PPP3R1: variants seen among roughly 807,000 people sequenced by gnomAD.
PPP3R1 encodes the protein calcineurin subunit B type 1.
A neutral mutation model predicts 22.6 loss-of-function variants in PPP3R1; 5 were observed. The ratio of observed to expected loss-of-function variants is 0.22; its 90% CI spans 0.12 to 0.46. PPP3R1 has a LOEUF of 0.46. PPP3R1 is among the 20% of genes least tolerant of loss of function. The pLI is 0.99. For missense variants in PPP3R1, 61 were observed against 203.2 expected (o/e 0.30, Z 4.25); for synonymous variants, 56 against 65.2 (o/e 0.86, Z 0.68).
intron 1 of PPP3R1, among the ~76,000 whole-genome samples, chr2:68,233,325 C>T (rs1020769009): frequency 1.3e-5 from 2 of 152,098 alleles, no homozygotes; most frequent in African/African-American, 4.8e-5. Flanking sequence ...ATTAAATATG[C>T]TTTTATAAGT....
intron 4 of PPP3R1, 84 bp downstream of exon 4, chr2:68,187,171 T>C: frequency 8.9e-7 from 1 of 1,127,518 alleles, no homozygotes; most frequent in Non-Finnish European, 1.3e-6. Flanking sequence ...AGACATCTTT[T>C]TCATTATTTT....
At chr2:68,185,370 T>C (rs949954265) in intron 5 of PPP3R1, among the ~76,000 whole-genome samples, 16 of 148,700 alleles carry the variant, frequency 1.1e-4, no homozygotes, top group African/African-American at 3.7e-4. Context: ...GATATACTTA[T>C]TACATTTTAT....
chr2:68,209,248 A>T (rs1249643085), intron 2 of PPP3R1, among the ~76,000 whole-genome samples: 7 of 145,662 alleles, frequency 4.8e-5, no homozygotes, highest in African/African-American at 1.8e-4. Flanking sequence ...AGTCCCAGCT[A>T]CTTGGGAGGC....
intron 2 of PPP3R1, among the ~76,000 whole-genome samples, chr2:68,200,670 T>C (rs1167569591): frequency 6.6e-6 from 1 of 152,238 alleles, no homozygotes; most frequent in Non-Finnish European, 1.5e-5. Flanking sequence ...TCTTTTCCTA[T>C]GTTAGTTCCA....
At chr2:68,250,041 C>T (rs1036961700) in intron 1 of PPP3R1, among the ~76,000 whole-genome samples, 3 of 151,870 alleles carry the variant, frequency 2.0e-5, no homozygotes, top group Admixed American at 1.3e-4. Flanking sequence ...TGGGTATGGT[C>T]TTGATACTTT....
At chr2:68,198,516 T>C (rs1674885837) in intron 2 of PPP3R1, among the ~76,000 whole-genome samples, 1 of 151,296 alleles carries the variant, frequency 6.6e-6, no homozygotes, top group African/African-American at 2.4e-5. Context: ...TATACATATA[T>C]GAATGAATGA....
intron 1 of PPP3R1, among the ~76,000 whole-genome samples, chr2:68,241,041 C>T (rs1670118575): frequency 6.6e-6 from 1 of 152,204 alleles, no homozygotes; most frequent in Admixed American, 6.5e-5. Flanking sequence ...AAACCAAATG[C>T]ATTTAATGAA....
chr2:68,195,964 T>C (rs1283860328), intron 2 of PPP3R1, among the ~76,000 whole-genome samples: 1 of 152,036 alleles, frequency 6.6e-6, no homozygotes, highest in Non-Finnish European at 1.5e-5. Context: ...ATACGTACTA[T>C]TTCTAAGACA....
chr2:68,199,638 T>C (rs993193605), intron 2 of PPP3R1, among the ~76,000 whole-genome samples: 2 of 152,226 alleles, frequency 1.3e-5, no homozygotes, highest in Admixed American at 6.5e-5. Flanking sequence ...GGAAGTTCCC[T>C]TCTATTCCCA....
intron 1 of PPP3R1, among the ~76,000 whole-genome samples, chr2:68,251,712 T>A (rs1028752598): frequency 1.3e-5 from 2 of 152,038 alleles, no homozygotes; most frequent in African/African-American, 4.8e-5. Context: ...GATTTCAGAA[T>A]ACCCTCGAAC....
chr2:68,186,721 G>A (rs1042794726), intron 4 of PPP3R1, 69 bp from the exon 5 acceptor site: 15 of 1,327,798 alleles, frequency 1.1e-5, no homozygotes, highest in African/African-American at 1.5e-5. Context: ...CAGTAAGAAA[G>A]AAAATAGTAA....
At chr2:68,205,773 T>G (rs1165651946) in intron 2 of PPP3R1, among the ~76,000 whole-genome samples, 3 of 152,018 alleles carry the variant, frequency 2.0e-5, no homozygotes, top group African/African-American at 7.2e-5. Flanking sequence ...CAGATTGCAG[T>G]AGACCAAGAA....
At chr2:68,221,966 A>G (rs1669695254) in intron 1 of PPP3R1, among the ~76,000 whole-genome samples, 1 of 151,846 alleles carries the variant, frequency 6.6e-6, no homozygotes, top group Non-Finnish European at 1.5e-5. Flanking sequence ...GTTCACTACA[A>G]AAAAAAAGTC....
chr2:68,184,755 A>G (rs190510117), intron 5 of PPP3R1, among the ~76,000 whole-genome samples: 1 of 152,190 alleles, frequency 6.6e-6, no homozygotes, highest in East Asian at 1.9e-4. Context: ...CCACTCGTAA[A>G]CTATGCCCCT....
chr2:68,216,564 A>G (rs1669584227), intron 2 of PPP3R1, among the ~76,000 whole-genome samples: 1 of 152,150 alleles, frequency 6.6e-6, no homozygotes, highest in Admixed American at 6.6e-5. Context: ...TCAAGCCCCA[A>G]CAGTGGCTGC....
intron 2 of PPP3R1, among the ~76,000 whole-genome samples, chr2:68,211,003 A>C (rs974948124): frequency 6.6e-6 from 1 of 152,166 alleles, no homozygotes; most frequent in East Asian, 1.9e-4. Flanking sequence ...AACTACATGA[A>C]TTTTTTTGTT....
At chr2:68,245,786 C>G (rs1380059349) in intron 1 of PPP3R1, among the ~76,000 whole-genome samples, 3 of 152,200 alleles carry the variant, frequency 2.0e-5, no homozygotes, top group Non-Finnish European at 4.4e-5. Context: ...CCCAATGGGA[C>G]CAAACTGAAC....
intron 1 of PPP3R1, among the ~76,000 whole-genome samples, chr2:68,222,317 G>A (rs575765578): frequency 6.6e-6 from 1 of 152,272 alleles, no homozygotes; most frequent in Non-Finnish European, 1.5e-5. Flanking sequence ...AAAAGGAGAC[G>A]AAATAAAATG....
chr2:68,222,332 C>T (rs1669700162), intron 1 of PPP3R1, among the ~76,000 whole-genome samples: 1 of 152,130 alleles, frequency 6.6e-6, no homozygotes, highest in South Asian at 2.1e-4. Context: ...AAAATGGTAT[C>T]ATTGTGATGG....
Sources: gnomAD v4.1 joint callset for allele counts (sites outside exome capture counted in the v4.1 genomes callset) on GRCh38, gnomAD v4.1.1 for gene constraint, MANE v1.5 for transcripts, NCBI Gene and HGNC (gene_info 2026-07-23, HGNC 2026-07-21) for gene names.